RYR2: variants seen among roughly 807,000 people sequenced by gnomAD.
RYR2 encodes cardiac muscle ryanodine receptor-calcium release channel.
RYR2 carries 227 observed loss-of-function variants against 601.1 expected under a neutral mutation model. The ratio of observed to expected loss-of-function variants is 0.38; its 90% CI spans 0.34 to 0.42. The LOEUF (loss-of-function observed/expected upper bound fraction) is 0.42, where lower values mean the gene tolerates loss of function less well. Among genes scored for constraint, RYR2 ranks in the 10% least tolerant of loss-of-function variants. The probability of loss-of-function intolerance (pLI) is 1.00; values close to 1 mark genes in which losing one functional copy is unlikely to be tolerated. For missense variants in RYR2, 4,646 were observed against 6,156.5 expected (o/e 0.75, Z 8.21); for synonymous variants, 2,223 against 2,175.1 (o/e 1.02, Z -0.61).
chr1:237,051,370 G>A (rs372207007), intron 1 of RYR2, among the ~76,000 whole-genome samples: 6 of 130,140 alleles, frequency 4.6e-5, no homozygotes, highest in African/African-American at 1.8e-4. Flanking sequence ...TTCTCTCCTC[G>A]GGGCTCATGA....
At chr1:237,223,001 G>A (rs752804000) in intron 1 of RYR2, among the ~76,000 whole-genome samples, 1 of 152,110 alleles carries the variant, frequency 6.6e-6, no homozygotes, top group Non-Finnish European at 1.5e-5. Context: ...CCCAGGAGGC[G>A]GAGGTTGCGG....
chr1:237,636,688 A>G (rs573695645), intron 44 of RYR2, among the ~76,000 whole-genome samples: 1 of 152,336 alleles, frequency 6.6e-6, no homozygotes, highest in East Asian at 1.9e-4. Flanking sequence ...CAATTTACCC[A>G]GTAGAAAGGA....
At chr1:237,735,000 A>G (rs1691015843) in intron 79 of RYR2, among the ~76,000 whole-genome samples, 1 of 152,162 alleles carries the variant, frequency 6.6e-6, no homozygotes, top group Non-Finnish European at 1.5e-5. Context: ...CAGAACATTA[A>G]AAGATGGTTA....
At chr1:237,317,305 A>G (rs972280499) in intron 2 of RYR2, among the ~76,000 whole-genome samples, 1 of 152,228 alleles carries the variant, frequency 6.6e-6, no homozygotes, top group Non-Finnish European at 1.5e-5. Context: ...ACATGGTCAA[A>G]ATTAGTTATA....
chr1:237,078,753 G>C (rs1263230922), intron 1 of RYR2, among the ~76,000 whole-genome samples: 14 of 137,422 alleles, frequency 1.0e-4, no homozygotes, highest in Non-Finnish European at 4.7e-5. Flanking sequence ...TAGAAAAAGA[G>C]GGAATCCTCC....
intron 27 of RYR2, among the ~76,000 whole-genome samples, chr1:237,564,851 C>T (rs1404651838): frequency 6.6e-6 from 1 of 152,184 alleles, no homozygotes; most frequent in Non-Finnish European, 1.5e-5. Flanking sequence ...TAATTAAGCC[C>T]ATGTGATAGG....
chr1:237,709,535 G>C lies in RYR2; in HGVS notation c.10198G>C (p.Ala3400Pro). The C allele has an allele frequency of 1.2e-6, 2 of 1,611,804 alleles. No individual in the cohort carries two copies. The highest frequency in any genetic ancestry group is 1.7e-6 in the Non-Finnish European group (2 of 1,178,818). ...PEAEELFRMV[A>P]EVFIYWSKSH... ...AGCAGAGGAGCTCTTCCGCATGGTG[G>C]CTGAAGTGTTTATCTACTGGTCGAA... Residue 3400 changes from alanine (A) to proline (P), a missense_variant, in exon 70 of 105, where the codon GCT becomes CCT. Around this residue, in one of 17 missense-constraint regions of RYR2, gnomAD observed 1,497 missense variants for 1,842.6 expected, o/e 0.81. Coordinates refer to ENST00000366574, the MANE Select transcript of RYR2 (RefSeq NM_001035.3).
intron 4 of RYR2, among the ~76,000 whole-genome samples, chr1:237,363,843 G>A (rs957878257): frequency 2.0e-5 from 3 of 152,172 alleles, no homozygotes; most frequent in Admixed American, 2.0e-4. Flanking sequence ...ACAATATTCA[G>A]TGTCTAAGAA....
At chr1:237,581,008 A>T (rs1673857826) in intron 29 of RYR2, among the ~76,000 whole-genome samples, 1 of 152,216 alleles carries the variant, frequency 6.6e-6, no homozygotes, top group African/African-American at 2.4e-5. Flanking sequence ...GTCTGAGCTG[A>T]CCAATACACC....
At chr1:237,669,522 C>T (rs575246349) in intron 58 of RYR2, among the ~76,000 whole-genome samples, 3 of 149,872 alleles carry the variant, frequency 2.0e-5, no homozygotes, top group African/African-American at 7.4e-5. Flanking sequence ...CCCCCCACCT[C>T]CCTCCCGCAC....
chr1:237,708,207 G>T (rs967315910), intron 68 of RYR2, among the ~76,000 whole-genome samples: 21 of 152,118 alleles, frequency 1.4e-4, no homozygotes, highest in African/African-American at 4.8e-4. Flanking sequence ...ATATGTAAAT[G>T]AATTTATCTA....
intron 1 of RYR2, among the ~76,000 whole-genome samples, chr1:237,081,356 G>A (rs1440180722): frequency 6.6e-6 from 1 of 150,736 alleles, no homozygotes; most frequent in Non-Finnish European, 1.5e-5. Context: ...ATTTGCTTTG[G>A]TTCAGGATCC....
intron 1 of RYR2, among the ~76,000 whole-genome samples, chr1:237,193,447 G>A (rs1266969214): frequency 6.6e-6 from 1 of 152,084 alleles, no homozygotes; most frequent in Non-Finnish European, 1.5e-5. Context: ...GCAACAGAGT[G>A]GGACTCCATC....
At chr1:237,590,189 A>C (rs1488892872) in intron 30 of RYR2, among the ~76,000 whole-genome samples, 188 bp downstream of exon 30, 1 of 147,928 alleles carries the variant, frequency 6.8e-6, no homozygotes, top group African/African-American at 2.4e-5. Flanking sequence ...GAAACTTTTA[A>C]ATTTTTGCTT....
chr1:237,576,311 A>G (rs1053442907), intron 29 of RYR2, among the ~76,000 whole-genome samples: 8 of 152,222 alleles, frequency 5.3e-5, no homozygotes, highest in African/African-American at 1.9e-4. Context: ...CTTCTGTCTA[A>G]AAGCAGTGAG....
intron 17 of RYR2, among the ~76,000 whole-genome samples, chr1:237,481,032 A>G (rs1662008244): frequency 6.6e-6 from 1 of 151,454 alleles, no homozygotes; most frequent in African/African-American, 2.4e-5. Context: ...AATATGAAGC[A>G]TATGTAATTA....
intron 80 of RYR2, among the ~76,000 whole-genome samples, chr1:237,754,587 A>G (rs1306197370): frequency 1.3e-5 from 2 of 152,188 alleles, no homozygotes; most frequent in East Asian, 3.9e-4. Context: ...GGACAGTTTC[A>G]TGAGCGAATA....
intron 1 of RYR2, among the ~76,000 whole-genome samples, chr1:237,097,119 C>T (rs969940153): frequency 3.9e-5 from 6 of 152,198 alleles, no homozygotes; most frequent in African/African-American, 1.4e-4. Flanking sequence ...TTCTAGATGG[C>T]ATATATTCCA....
At chr1:237,492,659 A>G (rs1008226940) in intron 18 of RYR2, among the ~76,000 whole-genome samples, 8 of 152,122 alleles carry the variant, frequency 5.3e-5, no homozygotes, top group African/African-American at 1.2e-4. Context: ...TGGGTAATAT[A>G]GCAATACCCT....
Sources: allele counts gnomAD v4.1 joint callset (sites outside exome capture counted in the v4.1 genomes callset), GRCh38; gene constraint gnomAD v4.1.1; regional missense constraint gnomAD v4.1.1; transcripts MANE v1.5; gene names NCBI Gene and HGNC (gene_info 2026-07-23, HGNC 2026-07-21).